Variants in VPS13D observed in about 807,000 individuals in gnomAD.
VPS13D encodes intermembrane lipid transfer protein VPS13D.
VPS13D carries 187 observed loss-of-function variants against 461.9 expected under a neutral mutation model. That is an observed-to-expected ratio of 0.40 (90% CI 0.36 to 0.46). The LOEUF is 0.46. Ranked by LOEUF, VPS13D falls within the 20% of genes least tolerant of loss-of-function variation. The probability of loss-of-function intolerance (pLI) is 0.60; values close to 1 mark genes in which losing one functional copy is unlikely to be tolerated. For missense variants in VPS13D, 4,711 were observed against 5,364.9 expected (o/e 0.88, Z 3.81); for synonymous variants, 1,951 against 1,986.3 (o/e 0.98, Z 0.47).
intron 60 of VPS13D, among the ~76,000 whole-genome samples, chr1:12,393,298 T>C (rs1010122105): frequency 1.3e-5 from 2 of 152,232 alleles, no homozygotes; most frequent in African/African-American, 4.8e-5. Flanking sequence ...CCAAATAAGA[T>C]TATGACACAA....
intron 65 of VPS13D, among the ~76,000 whole-genome samples, chr1:12,431,417 C>T (rs969116538): frequency 4.0e-5 from 6 of 149,884 alleles, no homozygotes; most frequent in African/African-American, 1.5e-4. Context: ...TAATTAGTCA[C>T]AGGGCTAGCC....
intron 6 of VPS13D, among the ~76,000 whole-genome samples, chr1:12,251,202 T>G (rs545998197): frequency 1.3e-5 from 2 of 152,402 alleles, no homozygotes; most frequent in South Asian, 4.1e-4. Context: ...TGGCCCTTTA[T>G]GGAAGAGCGT....
At chr1:12,363,633 A>C (rs1344477809) in intron 52 of VPS13D, among the ~76,000 whole-genome samples, 1 of 152,148 alleles carries the variant, frequency 6.6e-6, no homozygotes, top group Non-Finnish European at 1.5e-5. Context: ...TTCTACACCT[A>C]ATGTGGTAAC....
chr1:12,393,300 A>G (rs1357307604), intron 60 of VPS13D, among the ~76,000 whole-genome samples: 1 of 152,262 alleles, frequency 6.6e-6, no homozygotes, highest in Non-Finnish European at 1.5e-5. Flanking sequence ...AAATAAGATT[A>G]TGACACAAAC....
At chr1:12,302,237 G>A (rs561364496) in intron 25 of VPS13D, among the ~76,000 whole-genome samples, 189 of 152,140 alleles carry the variant, frequency 1.2e-3, no homozygotes, top group Non-Finnish European at 2.4e-3. Flanking sequence ...GGCATTATGC[G>A]GTGCACAACT....
At chr1:12,292,757 A>T (rs771355148) in intron 23 of VPS13D, among the ~76,000 whole-genome samples, 33 of 151,892 alleles carry the variant, frequency 2.2e-4, no homozygotes, top group Non-Finnish European at 3.1e-4. Flanking sequence ...TGTTTTTTTT[A>T]AAATGCTGAT....
chr1:12,371,811 T>C (rs1288598622), intron 54 of VPS13D, among the ~76,000 whole-genome samples: 2 of 152,244 alleles, frequency 1.3e-5, no homozygotes, highest in Non-Finnish European at 2.9e-5. Context: ...GTTTTGGCTA[T>C]TGTAAACAGT....
At chr1:12,442,967 A>G (rs1187963148) in intron 65 of VPS13D, among the ~76,000 whole-genome samples, 1 of 152,248 alleles carries the variant, frequency 6.6e-6, no homozygotes, top group East Asian at 1.9e-4. Context: ...TTTAAATTGT[A>G]GAAGAGTTGA....
intron 42 of VPS13D, among the ~76,000 whole-genome samples, chr1:12,344,295 T>C (rs1416353032): frequency 6.6e-6 from 1 of 152,232 alleles, no homozygotes; most frequent in African/African-American, 2.4e-5. Flanking sequence ...TTTCAGTTCC[T>C]GAGTGTAAAC....
chr1:12,261,197 A>G (rs377085512), intron 12 of VPS13D, 48 bp downstream of exon 12: 4 of 1,602,470 alleles, frequency 2.5e-6, no homozygotes, highest in Non-Finnish European at 2.6e-6. Context: ...TTCGTCTGTT[A>G]TTTGTGCAAC....
chr1:12,417,824 A>G (rs963148946), intron 65 of VPS13D, among the ~76,000 whole-genome samples: 7 of 152,218 alleles, frequency 4.6e-5, no homozygotes, highest in African/African-American at 1.7e-4. Context: ...GATTGGTCAG[A>G]TCAGTTCTGT....
intron 67 of VPS13D, among the ~76,000 whole-genome samples, chr1:12,486,887 T>G (rs1645804303): frequency 6.6e-6 from 1 of 152,162 alleles, no homozygotes; most frequent in South Asian, 2.1e-4. Context: ...AGCACCGTTC[T>G]GAGCGCTGAG....
chr1:12,284,087 T>A (rs139512648), intron 21 of VPS13D, among the ~76,000 whole-genome samples: 1 of 152,336 alleles, frequency 6.6e-6, no homozygotes, highest in Non-Finnish European at 1.5e-5. Flanking sequence ...AAGTGTGTAA[T>A]CTGTAATAGC....
intron 65 of VPS13D, among the ~76,000 whole-genome samples, chr1:12,425,244 T>C (rs1245830079): frequency 6.6e-6 from 1 of 152,156 alleles, no homozygotes; most frequent in Non-Finnish European, 1.5e-5. Context: ...GGGAATGTCT[T>C]GGTCAATATG....
At chr1:12,467,441 A>T (rs1445573761) in intron 67 of VPS13D, among the ~76,000 whole-genome samples, 1 of 152,232 alleles carries the variant, frequency 6.6e-6, no homozygotes. Context: ...AAGTGTTGGG[A>T]TTACAGGCGT....
chr1:12,376,713 C>G (rs1277194785), intron 55 of VPS13D, among the ~76,000 whole-genome samples: 1 of 152,176 alleles, frequency 6.6e-6, no homozygotes, highest in East Asian at 1.9e-4. Flanking sequence ...ATCTGTCCGG[C>G]CAGGGGTAGC....
At chr1:12,290,738 T>A (rs371527865) in intron 22 of VPS13D, among the ~76,000 whole-genome samples, 3 of 149,616 alleles carry the variant, frequency 2.0e-5, no homozygotes, top group Middle Eastern at 3.5e-3. Context: ...AAAAAAAAAA[T>A]GTAATGTTGC....
chr1:12,330,372 A>G (rs1027498083), intron 37 of VPS13D, among the ~76,000 whole-genome samples: 5 of 152,024 alleles, frequency 3.3e-5, no homozygotes, highest in African/African-American at 1.2e-4. Context: ...CTGAGATCAC[A>G]CCACTGCACT....
chr1:12,483,132 T>C (rs1162916996), intron 67 of VPS13D, among the ~76,000 whole-genome samples: 1 of 152,060 alleles, frequency 6.6e-6, no homozygotes, highest in Non-Finnish European at 1.5e-5. Flanking sequence ...TTCTAGGGAG[T>C]TGAAACAATT....
Sources: allele counts gnomAD v4.1 joint callset (sites outside exome capture counted in the v4.1 genomes callset), GRCh38; gene constraint gnomAD v4.1.1; transcripts MANE v1.5; gene names NCBI Gene and HGNC (gene_info 2026-07-23, HGNC 2026-07-21).